The following TOPBP1 variants were observed in gnomAD, a reference collection of about 807,000 sequenced individuals.
The protein encoded by TOPBP1 is DNA topoisomerase 2-binding protein 1.
In TOPBP1, 28 loss-of-function variants were observed where a neutral mutation model predicts 167.7. That is an observed-to-expected ratio of 0.17 (90% confidence interval 0.12 to 0.23). The LOEUF (loss-of-function observed/expected upper bound fraction) is 0.23. Among genes scored for constraint, TOPBP1 ranks in the 10% least tolerant of loss-of-function variants. The pLI is 1.00. For synonymous variants in TOPBP1, 598 were observed against 611.4 expected, an observed-to-expected ratio of 0.98 and a Z score of 0.32; for missense variants, 1,554 against 1,809.6, an observed-to-expected ratio of 0.86 and a Z score of 2.56.
Position 133,660,554 on chromosome 3 carries a change from G to A in TOPBP1, c.84+490C>T, listed in dbSNP as rs527808671. On this transcript the variant is annotated intron_variant, in intron 2 of 27. Transcript: ENST00000260810. ...GTTAGAAATGCAGATTCTAAGTCTG[G>A]GTTGGAGGCCAAGATTCTGCATTTC... Among the ~76,000 whole-genome samples the A allele has an allele frequency of 2.0e-5, 3 of 152,244 alleles. No homozygotes were observed. In the East Asian group the frequency reaches 5.8e-4, roughly 29 times the overall value.
chr3:133,637,843 G>A (rs377563042), intron 14 of TOPBP1, 33 bp downstream of exon 14: 1 of 1,601,480 alleles, frequency 6.2e-7, no homozygotes, highest in Non-Finnish European at 8.5e-7. Context: ...CGGTAAAACT[G>A]TTAACTCTGG....
intron 27 of TOPBP1, among the ~76,000 whole-genome samples, chr3:133,606,169 C>T (rs1245488315): frequency 6.6e-6 from 1 of 152,078 alleles, no homozygotes; most frequent in African/African-American, 2.4e-5. Flanking sequence ...GCCTGGGCAA[C>T]AGAGTGAGAC....
In TOPBP1 at chr3:133,643,228, T is replaced by G; in HGVS notation, c.1993A>C (p.Thr665Pro). 1 of 1,605,116 alleles carries G rather than the reference T, an allele frequency of 6.2e-7. No individual in the cohort carries two copies. Among genetic ancestry groups the G allele is most frequent in the Non-Finnish European group, 8.5e-7 (1 of 1,177,094 alleles). The change falls in exon 12 of 28, where the codon ACA (threonine) becomes CCA (proline). Residue 665 changes from threonine to proline, a missense_variant. Thr to Pro is a conservative substitution (Grantham distance 38, BLOSUM62 -1). Coordinates refer to ENST00000260810, the MANE Select transcript of TOPBP1 (RefSeq NM_007027.4). ...QCAGAEKESL[T>P]FLANLLGASV... ...GCTCCAAGGAGGTTTGCTAGGAATG[T>G]TAAAGACTCTTTTTCTGCTCCAGCA...
intron 27 of TOPBP1, among the ~76,000 whole-genome samples, chr3:133,606,715 C>T (rs1476062841): frequency 6.6e-6 from 1 of 151,908 alleles, no homozygotes; most frequent in East Asian, 1.9e-4. Flanking sequence ...CACAAAAATA[C>T]GATCATTTGA....
intron 7 of TOPBP1, 35 bp downstream of exon 7, chr3:133,653,310 T>G (rs1936363368): frequency 6.6e-7 from 1 of 1,518,600 alleles, no homozygotes; most frequent in Non-Finnish European, 8.8e-7. Flanking sequence ...TATGACTGTC[T>G]TCAGAATAAT....
chr3:133,623,059 A>C, intron 19 of TOPBP1, 32 bp downstream of exon 19: 1 of 1,389,560 alleles, frequency 7.2e-7, no homozygotes, highest in Non-Finnish European at 9.6e-7. Context: ...TCTCAAAAAA[A>C]ATTTTTTTAA....
intron 19 of TOPBP1, among the ~76,000 whole-genome samples, chr3:133,621,759 C>T (rs943396346): frequency 6.6e-6 from 1 of 152,024 alleles, no homozygotes; most frequent in African/African-American, 2.4e-5. Flanking sequence ...GTGAGACTAA[C>T]CAAATAGGTA....
At chr3:133,632,799 G>A (rs1935531668) in intron 14 of TOPBP1, among the ~76,000 whole-genome samples, 2 of 152,004 alleles carry the variant, frequency 1.3e-5, no homozygotes, top group East Asian at 1.9e-4. Context: ...TTGAGACAGG[G>A]TCTCAGTTTG....
chr3:133,627,575 T>C (rs983654919), intron 16 of TOPBP1, among the ~76,000 whole-genome samples: 3 of 152,210 alleles, frequency 2.0e-5, no homozygotes, highest in Non-Finnish European at 2.9e-5. Context: ...AATTTCTTTA[T>C]CAAATAGAAA....
Position 133,655,397 on chromosome 3 carries a change from C to T in TOPBP1, c.635G>A (p.Gly212Asp), listed in dbSNP as rs371532541. 1 of 1,606,224 alleles carries T rather than the reference C, an allele frequency of 6.2e-7. No individual in the cohort carries two copies. Among genetic ancestry groups the T allele is most frequent in the African/African-American group, 1.3e-5 (1 of 74,368 alleles). ...GCIICVTGLCGLDRKEVQQLT... is the reference protein window; with the variant it reads ...GCIICVTGLCDLDRKEVQQLT... ...TTGCTGAACTTCTTTCCTGTCTAAG[C>T]CACATAAGCCAGTCACACAGATTAT... Residue 212 changes from glycine (G) to aspartate (D), a missense_variant, in exon 6 of 28, where the codon GGC becomes GAC. Around this residue, in one of 3 missense-constraint regions of TOPBP1, gnomAD observed 1,197 missense variants for 1,351.5 expected, o/e 0.89. Coordinates refer to ENST00000260810, the MANE Select transcript of TOPBP1 (RefSeq NM_007027.4).
Position 133,638,180 on chromosome 3 carries a change from A to G in TOPBP1, c.2234-18T>C. On this transcript the variant is annotated intron_variant, in intron 13 of 27. Transcript: ENST00000260810. ...ACTTCGTTCTAGAGATTTAAAATGA[A>G]AAGAAACAAATATGAGCCACTAATG... 2 of 1,608,812 alleles carry G rather than the reference A, an allele frequency of 1.2e-6. No individual in the cohort carries two copies. The highest frequency in any genetic ancestry group is 1.3e-5 in the African/African-American group (1 of 74,774).
In TOPBP1 at chr3:133,652,602, A is replaced by G. The variant is rs772119126; in HGVS notation, c.950T>C (p.Ile317Thr). Residue 317 changes from isoleucine (I) to threonine (T), a missense_variant, in exon 8 of 28, where the codon ATT (isoleucine) becomes ACT (threonine). Physicochemically the swap from Ile to Thr is moderately conservative, Grantham distance 89. Around this residue, in one of 3 missense-constraint regions of TOPBP1, gnomAD observed 1,197 missense variants for 1,351.5 expected, o/e 0.89. Transcript: ENST00000260810. ...TACGCAACTTGCATTTATGTTGGAA[A>G]TATTGCTGACATCTGAAAGAGTACG... ...DSRTLSDVSN[I>T]SNINASCVSE... The G allele has an allele frequency of 3.7e-6, 6 of 1,610,502 alleles. No individual in the cohort carries two copies. The South Asian group carries it at 6.6e-5, about 18-fold the overall frequency.
rs147189665 is a variant in TOPBP1, at chr3:133,604,700, C to G, written c.4426-3307G>C. Among the ~76,000 whole-genome samples the G allele has an allele frequency of 2.2e-4, 33 of 151,830 alleles. 1 individual carries two copies. Among genetic ancestry groups the G allele is most frequent in the African/African-American group, 7.0e-4 (29 of 41,476 alleles). ...CTTTGGGAGGCCAAGGTGGGCGGAT[C>G]ACCTGAGGTCAGCCTCAGGTCAGCC... is the stretch of plus-strand genomic sequence containing the variant. On this transcript the variant is annotated intron_variant, in intron 27 of 27. Transcript: ENST00000260810.
At chr3:133,612,962 C>T (rs562440410) in intron 23 of TOPBP1, among the ~76,000 whole-genome samples, 161 of 152,192 alleles carry the variant, frequency 1.1e-3, no homozygotes, top group South Asian at 2.5e-3. Context: ...CCAGCTCAAG[C>T]GATTCTCCTC....
intron 10 of TOPBP1, among the ~76,000 whole-genome samples, chr3:133,646,564 T>C (rs917813129): frequency 1.1e-4 from 16 of 151,914 alleles, no homozygotes; most frequent in African/African-American, 3.6e-4. Context: ...GGGAAGAGAA[T>C]TGCGTGAACT....
rs140404371 is a variant in TOPBP1, at chr3:133,629,099, C to T, written c.2521-366G>A. Among the ~76,000 whole-genome samples, 726 of 150,984 alleles carry T rather than the reference C, an allele frequency of 4.8e-3. 20 individuals carry two copies. Among genetic ancestry groups the T allele is most frequent in the Admixed American group, 0.043 (645 of 15,132 alleles). ...CCAGAAGGAAACAAATAAGCAACGA[C>T]GGATATAATCAAGAAATGGATTATA... On this transcript the variant is annotated intron_variant, in intron 14 of 27. Coordinates refer to ENST00000260810, the MANE Select transcript of TOPBP1 (RefSeq NM_007027.4).
intron 26 of TOPBP1, 59 bp downstream of exon 26, chr3:133,608,814 G>A (rs1934581894): frequency 1.3e-6 from 2 of 1,570,312 alleles, no homozygotes; most frequent in African/African-American, 2.7e-5. Flanking sequence ...ACTCATCATA[G>A]CAATCTTGGT....
chr3:133,604,121 C>A (rs996967799), intron 27 of TOPBP1, among the ~76,000 whole-genome samples: 2 of 150,742 alleles, frequency 1.3e-5, no homozygotes, highest in Non-Finnish European at 3.0e-5. Context: ...CAGGAATAAA[C>A]TTATTTATTT....
intron 19 of TOPBP1, among the ~76,000 whole-genome samples, chr3:133,622,475 G>A (rs1559813873): frequency 1.3e-5 from 2 of 150,724 alleles, no homozygotes; most frequent in Admixed American, 6.7e-5. Context: ...TTACAGACAC[G>A]AGCCACCATG....
Sources: gnomAD v4.1 joint callset for allele counts (sites outside exome capture counted in the v4.1 genomes callset) on GRCh38, gnomAD v4.1.1 for gene constraint, gnomAD v4.1.1 regional missense constraint, MANE v1.5 for transcripts, NCBI Gene and HGNC (gene_info 2026-07-23, HGNC 2026-07-21) for gene names.